TENM2: variants seen among roughly 807,000 people sequenced by gnomAD.
TENM2 encodes teneurin-2.
In TENM2, 52 loss-of-function variants were observed where a neutral mutation model predicts 245.2. The observed-to-expected ratio is 0.21, with a 90% CI of 0.17 to 0.27. The LOEUF (loss-of-function observed/expected upper bound fraction) is 0.27, where lower values mean the gene tolerates loss of function less well. Ranked by LOEUF, TENM2 falls within the 10% of genes least tolerant of loss-of-function variation. The probability of loss-of-function intolerance (pLI) is 1.00; values close to 1 mark genes in which losing one functional copy is unlikely to be tolerated. For synonymous variants in TENM2, 1,363 were observed against 1,438.9 expected, an observed-to-expected ratio of 0.95 and a Z score of 1.19; for missense variants, 3,046 against 3,666.8, an observed-to-expected ratio of 0.83 and a Z score of 4.37.
intron 5 of TENM2, among the ~76,000 whole-genome samples, chr5:168,017,560 G>T (rs1317379253): frequency 4.6e-5 from 7 of 152,174 alleles, no homozygotes; most frequent in Non-Finnish European, 1.0e-4. Context: ...TGTGTGGCTA[G>T]CAGATCACCT....
intron 13 of TENM2, among the ~76,000 whole-genome samples, chr5:168,180,898 A>G (rs1394512850): frequency 1.8e-5 from 2 of 113,898 alleles, no homozygotes; most frequent in African/African-American, 6.0e-5. Context: ...GTGAGACTCC[A>G]TCTTAAAATT....
Position 167,916,628 on chromosome 5 carries a change from C to T in TENM2, c.713-35960C>T, listed in dbSNP as rs560743950. Among the ~76,000 whole-genome samples, 5 of 152,188 alleles carry T rather than the reference C, an allele frequency of 3.3e-5. No homozygotes were observed. In the South Asian group the frequency reaches 6.2e-4, roughly 19 times the overall value. On this transcript the variant is annotated intron_variant, in intron 3 of 28. Transcript: ENST00000518659. ...CCCTCCCTTCTCCCCCAGCCTTTGC[C>T]GAGAAGCGCATCTCCAGGAGTAGAG...
At chr5:167,321,274 A>G (rs890113141) in intron 1 of TENM2, among the ~76,000 whole-genome samples, 1 of 152,194 alleles carries the variant, frequency 6.6e-6, no homozygotes, top group African/African-American at 2.4e-5. Flanking sequence ...AAATAGACAA[A>G]GAAAAATATA....
At chr5:167,105,876 A>G in the TENM2 span, among the ~76,000 whole-genome samples, 3 of 121,652 alleles carry the variant, frequency 2.5e-5, no homozygotes, top group Non-Finnish European at 5.0e-5. Context: ...CGACAGAGCG[A>G]GACTCCGTCT....
intron 1 of TENM2, among the ~76,000 whole-genome samples, chr5:167,292,757 A>G (rs1416912939): frequency 6.6e-6 from 1 of 152,258 alleles, no homozygotes; most frequent in Non-Finnish European, 1.5e-5. Flanking sequence ...CAGATATGTA[A>G]CTAGGTACCT....
intron 2 of TENM2, among the ~76,000 whole-genome samples, chr5:167,714,698 C>T (rs1561699229): frequency 1.3e-5 from 2 of 152,188 alleles, no homozygotes. Context: ...GATTTATTAG[C>T]CAGACTTAAG....
intron 2 of TENM2, among the ~76,000 whole-genome samples, chr5:167,400,854 G>A (rs890778535): frequency 1.1e-4 from 17 of 152,236 alleles, no homozygotes; most frequent in Non-Finnish European, 2.1e-4. Flanking sequence ...TGAAGAATGA[G>A]AAAATGCCTT....
chr5:167,168,794 C>G, the TENM2 span, among the ~76,000 whole-genome samples: 4 of 152,160 alleles, frequency 2.6e-5, no homozygotes, highest in African/African-American at 7.2e-5. Context: ...GAGTCTCGCT[C>G]TGTTGTTCAG....
chr5:167,741,314 T>C (rs1761159821), intron 2 of TENM2, among the ~76,000 whole-genome samples: 2 of 152,184 alleles, frequency 1.3e-5, no homozygotes, highest in Admixed American at 6.5e-5. Context: ...TCAACAAGTA[T>C]GTGTTGAATG....
At chr5:167,024,986 C>G in the TENM2 span, among the ~76,000 whole-genome samples, 1 of 152,106 alleles carries the variant, frequency 6.6e-6, no homozygotes, top group Non-Finnish European at 1.5e-5. Context: ...TACGAGTGCT[C>G]AAGTCCCACC....
At chr5:167,807,434 A>C (rs1167478316) in intron 2 of TENM2, among the ~76,000 whole-genome samples, 3 of 152,242 alleles carry the variant, frequency 2.0e-5, no homozygotes, top group Admixed American at 2.0e-4. Flanking sequence ...GTGATTCTCC[A>C]AGAAAACTGG....
rs570662109 is a variant in TENM2, at chr5:167,373,016, T to C, written c.227-2182T>C. Among the ~76,000 whole-genome samples, 3 of 152,328 alleles carry C rather than the reference T, an allele frequency of 2.0e-5. No individual in the cohort carries two copies. In the East Asian group the frequency reaches 5.8e-4, roughly 29 times the overall value. The stretch of plus-strand genomic sequence containing the variant: ...GGGAATAAACAGCAGCACTTAGCAG[T>C]GTGCTGATGGCAGAGAGGACTTCCC... On this transcript the variant is annotated intron_variant, in intron 1 of 28. Coordinates refer to ENST00000518659, the Ensembl canonical transcript of TENM2.
chr5:167,131,086 T>C, the TENM2 span, among the ~76,000 whole-genome samples: 1 of 152,074 alleles, frequency 6.6e-6, no homozygotes, highest in Non-Finnish European at 1.5e-5. Context: ...CTGTTGAATG[T>C]TTTATGTAAA....
intron 1 of TENM2, among the ~76,000 whole-genome samples, chr5:167,313,940 C>T (rs371544764): frequency 2.7e-4 from 41 of 152,318 alleles, no homozygotes; most frequent in African/African-American, 9.6e-4. Context: ...AGTGTCCTTT[C>T]TCCTCCACCT....
At chr5:168,225,803 A>T (rs1764126393) in intron 23 of TENM2, among the ~76,000 whole-genome samples, 1 of 151,824 alleles carries the variant, frequency 6.6e-6, no homozygotes, top group African/African-American at 2.4e-5. Flanking sequence ...AAAGTAAGAG[A>T]AGCTCACAAG....
intron 17 of TENM2, 24 bp downstream of exon 19, chr5:168,200,155 A>G: frequency 5.0e-6 from 8 of 1,601,052 alleles, no homozygotes; most frequent in Non-Finnish European, 6.8e-6. Flanking sequence ...TCAACCACTT[A>G]TTGATCAATG....
intron 2 of TENM2, among the ~76,000 whole-genome samples, chr5:167,756,095 C>T (rs1176790722): frequency 3.3e-5 from 5 of 152,072 alleles, no homozygotes; most frequent in Admixed American, 6.6e-5. Context: ...AGGGCCACAC[C>T]GTTAGAACTG....
chr5:168,061,796 C>A (rs1790058734), intron 6 of TENM2, among the ~76,000 whole-genome samples: 1 of 152,142 alleles, frequency 6.6e-6, no homozygotes, highest in Non-Finnish European at 1.5e-5. Context: ...GGCTCCAGAT[C>A]TGATTATATT....
intron 6 of TENM2, among the ~76,000 whole-genome samples, chr5:168,060,811 A>T (rs1231716130): frequency 6.6e-6 from 1 of 152,168 alleles, no homozygotes; most frequent in Non-Finnish European, 1.5e-5. Flanking sequence ...TCCATTTTAC[A>T]CATAGAGAAA....
Sources: allele counts gnomAD v4.1 joint callset (sites outside exome capture counted in the v4.1 genomes callset), GRCh38; gene constraint gnomAD v4.1.1; transcripts MANE v1.5; gene names NCBI Gene and HGNC (gene_info 2026-07-23, HGNC 2026-07-21).